KLHL3: variants seen among roughly 807,000 people sequenced by gnomAD.
KLHL3 encodes kelch-like protein 3.
KLHL3 carries 19 observed loss-of-function variants against 70.5 expected under a neutral mutation model. That is an observed-to-expected ratio of 0.27 (90% confidence interval 0.19 to 0.40). KLHL3 has a LOEUF of 0.40. KLHL3 is among the 10% of genes least tolerant of loss of function. The pLI is 1.00. For missense variants in KLHL3, 512 were observed against 771.1 expected (o/e 0.66, Z 3.98); for synonymous variants, 258 against 290.3 (o/e 0.89, Z 1.13).
At position 137,650,869 on chromosome 5, in the gene KLHL3, T is replaced by A. The variant is rs138374765; in HGVS notation, c.903+7262A>T. 7.9e-3 allele frequency among the ~76,000 whole-genome samples: 1,162 copies of A among 146,276 alleles called. 10 individuals carry two copies. Among genetic ancestry groups the A allele is most frequent in the Middle Eastern group, 0.021 (6 of 284 alleles). On this transcript the variant is annotated intron_variant, in intron 8 of 14. Coordinates refer to ENST00000309755, the MANE Select transcript of KLHL3 (RefSeq NM_017415.3). ...GAATTAATGCATACATGATTGTTGA[T>A]AGCTGGATTTCAGATTTAAAAAAAA...
At chr5:137,626,766 G>A (rs1233959211) in intron 13 of KLHL3, among the ~76,000 whole-genome samples, 2 of 152,190 alleles carry the variant, frequency 1.3e-5, no homozygotes, top group Non-Finnish European at 2.9e-5. Context: ...CACTTTGGGA[G>A]GCCAAGGCAG....
intron 2 of KLHL3, among the ~76,000 whole-genome samples, chr5:137,714,776 G>T (rs1043185754): frequency 3.8e-4 from 58 of 152,190 alleles, no homozygotes; most frequent in African/African-American, 1.4e-3. Flanking sequence ...CGGGTAAATT[G>T]TATGGCATCT....
intron 8 of KLHL3, among the ~76,000 whole-genome samples, chr5:137,645,207 A>G (rs1459802610): frequency 1.3e-5 from 2 of 152,202 alleles, no homozygotes; most frequent in East Asian, 3.8e-4. Context: ...AGCTAACATC[A>G]TACTAGAAAG....
At chr5:137,647,659 T>C (rs1214547956) in intron 8 of KLHL3, 1 of 460,844 alleles carries the variant, frequency 2.2e-6, no homozygotes, top group Non-Finnish European at 4.6e-6. Flanking sequence ...ACACCAACAA[T>C]TCATCCGATG....
intron 6 of KLHL3, among the ~76,000 whole-genome samples, chr5:137,677,225 T>C (rs1373137499): frequency 6.6e-6 from 1 of 152,052 alleles, no homozygotes; most frequent in African/African-American, 2.4e-5. Context: ...GGCGGGCGGA[T>C]TGCCTGAGGT....
At chr5:137,698,211 G>A (rs1025240852) in intron 4 of KLHL3, 76 bp downstream of exon 4, 1 of 1,562,494 alleles carries the variant, frequency 6.4e-7, no homozygotes, top group African/African-American at 1.4e-5. Flanking sequence ...TGTTGTGAGG[G>A]TTAAATAAAA....
chr5:137,733,298 A>G (rs1306885098), intron 1 of KLHL3, among the ~76,000 whole-genome samples: 3 of 152,216 alleles, frequency 2.0e-5, no homozygotes, highest in Non-Finnish European at 2.9e-5. Flanking sequence ...GCTGATATCC[A>G]AAGATGAGGC....
chr5:137,709,902 C>T (rs1208254720), intron 2 of KLHL3, 46 bp from the exon 3 acceptor site: 2 of 1,440,026 alleles, frequency 1.4e-6, no homozygotes, highest in Non-Finnish European at 2.0e-6. Context: ...AGCAAGGACA[C>T]CTACCCTCAT....
chr5:137,678,590 G>T (rs1337148892), intron 5 of KLHL3, among the ~76,000 whole-genome samples: 2 of 151,944 alleles, frequency 1.3e-5, no homozygotes, highest in African/African-American at 4.8e-5. Flanking sequence ...TGAATAGCTG[G>T]GACTATAGAC....
chr5:137,667,375 T>C (rs1296259122), intron 6 of KLHL3, among the ~76,000 whole-genome samples: 6 of 152,208 alleles, frequency 3.9e-5, no homozygotes, highest in African/African-American at 1.4e-4. Context: ...TAGGTACACT[T>C]AGGGTTTCAC....
At chr5:137,685,626 A>G (rs1752143631) in intron 5 of KLHL3, among the ~76,000 whole-genome samples, 1 of 152,238 alleles carries the variant, frequency 6.6e-6, no homozygotes, top group South Asian at 2.1e-4. Context: ...GTTTCAAACA[A>G]TGGTCTAGAA....
At chr5:137,725,862 G>T (rs1753078099) in intron 1 of KLHL3, among the ~76,000 whole-genome samples, 1 of 152,162 alleles carries the variant, frequency 6.6e-6, no homozygotes, top group African/African-American at 2.4e-5. Flanking sequence ...TTGCAAATTG[G>T]TTCTGACTTA....
intron 6 of KLHL3, among the ~76,000 whole-genome samples, chr5:137,675,877 A>T (rs1294353392): frequency 6.6e-6 from 1 of 152,198 alleles, no homozygotes; most frequent in Non-Finnish European, 1.5e-5. Flanking sequence ...CTCTACACTT[A>T]GAACATGCTC....
chr5:137,656,913 A>G (rs1751358106), intron 8 of KLHL3, among the ~76,000 whole-genome samples: 2 of 152,260 alleles, frequency 1.3e-5, no homozygotes, highest in South Asian at 4.1e-4. Flanking sequence ...TCTGAAACTC[A>G]GTTTCCTCCT....
chr5:137,687,069 T>TGG (rs770013305), intron 5 of KLHL3, among the ~76,000 whole-genome samples: 6 of 8,368 alleles, frequency 7.2e-4, no homozygotes, highest in Admixed American at 1.4e-3. Context: ...GGGAGGGAGG[T>TGG]GGGGGGGGTC....
rs1313913187 is a variant in KLHL3 at position 137,662,009 on chromosome 5, C to CAT, written c.657_658dup (p.Trp220TyrfsTer11). 6.2e-7 allele frequency: 1 copy of CAT among 1,607,704 alleles called. No individual in the cohort carries two copies. The highest frequency in any genetic ancestry group is 8.5e-7 in the Non-Finnish European group (1 of 1,175,152). On this transcript the variant is annotated frameshift_variant, in exon 7 of 15. Transcript: ENST00000309755. LOFTEE classifies it high-confidence loss of function. Reference sequence around the variant, plus strand: ...ACGGGTTTCTTTCTCATAATTGATCCATGAGATCACAGCTTCAAACACCTA... The same window carrying CAT: ...ACGGGTTTCTTTCTCATAATTGATCCATATGAGATCACAGCTTCAAACACCTA...
At chr5:137,672,461 G>T (rs1391132278) in intron 6 of KLHL3, among the ~76,000 whole-genome samples, 2 of 152,192 alleles carry the variant, frequency 1.3e-5, no homozygotes, top group African/African-American at 4.8e-5. Flanking sequence ...TTTAAAATGT[G>T]ATAATGCAAA....
chr5:137,665,699 C>G (rs1045902270), intron 6 of KLHL3, among the ~76,000 whole-genome samples: 1 of 152,048 alleles, frequency 6.6e-6, no homozygotes, highest in Non-Finnish European at 1.5e-5. Context: ...CTTTATCTGC[C>G]AGGAGGAAAA....
intron 3 of KLHL3, among the ~76,000 whole-genome samples, chr5:137,704,140 C>T (rs1275279976): frequency 6.6e-6 from 1 of 152,172 alleles, no homozygotes; most frequent in African/African-American, 2.4e-5. Flanking sequence ...AATCCCAGCA[C>T]TTTGGGAGGC....
Sources: gnomAD v4.1 joint callset for allele counts (sites outside exome capture counted in the v4.1 genomes callset) on GRCh38, gnomAD v4.1.1 for gene constraint, MANE v1.5 for transcripts, NCBI Gene and HGNC (gene_info 2026-07-23, HGNC 2026-07-21) for gene names.